The following ITFG2 variants were observed in gnomAD, a reference collection of about 807,000 sequenced individuals.
The protein encoded by ITFG2 is KICSTOR complex protein ITFG2.
A neutral mutation model predicts 54.4 loss-of-function variants in ITFG2; 36 were observed. The ratio of observed to expected loss-of-function variants is 0.66; its 90% CI spans 0.51 to 0.87. The LOEUF (loss-of-function observed/expected upper bound fraction) is 0.87, where lower values mean the gene tolerates loss of function less well. ITFG2 is among the 40% of genes least tolerant of loss of function. The pLI is 0.00. For synonymous variants in ITFG2, 211 were observed against 225.4 expected (o/e 0.94, Z 0.57); for missense variants, 524 against 576.7 (o/e 0.91, Z 0.94).
intron 2 of ITFG2, chr12:2,830,193 T>C (rs1376099286): frequency 6.6e-6 from 1 of 152,192 alleles, no homozygotes; most frequent in African/African-American, 2.4e-5. Context: ...GGAGGTAACA[T>C]CTGAGCTGGG....
downstream of ITFG2, among the ~76,000 whole-genome samples, chr12:2,831,198 A>G (rs1458859348): frequency 6.6e-6 from 1 of 151,430 alleles, no homozygotes; most frequent in Non-Finnish European, 1.5e-5. Context: ...TTTTTTTTTA[A>G]CTAGGAGGGT....
At chr12:2,842,644 A>C (rs892439618) in intron 2 of ITFG2, among the ~76,000 whole-genome samples, 13 of 152,194 alleles carry the variant, frequency 8.5e-5, no homozygotes, top group African/African-American at 3.1e-4. Flanking sequence ...AGGCAGGAGA[A>C]TTGCTTGAGC....
rs2097911935 is a variant in ITFG2 at position 2,812,798 on chromosome 12, A to T, written c.38A>T (p.Glu13Val). The change falls in exon 1 of 12, where the codon GAG becomes GTG. Residue 13 changes from glutamate (E) to valine (V), a missense_variant. Physicochemically the swap from Glu to Val is moderately radical, Grantham distance 121 (BLOSUM62 -2). Coordinates refer to ENST00000228799, the MANE Select transcript of ITFG2 (RefSeq NM_018463.4). ...SVSYVQRVAL[E>V]FSGSLFPHAI... ...AGCTACGTGCAGCGCGTGGCGCTGGAGTTCAGCGGGAGCCTCTTCCCGCAC... is the reference window on the plus strand; with the variant it reads ...AGCTACGTGCAGCGCGTGGCGCTGGTGTTCAGCGGGAGCCTCTTCCCGCAC... 6.2e-7 allele frequency: 1 copy of T among 1,612,564 alleles called. No individual in the cohort carries two copies. Among genetic ancestry groups the T allele is most frequent in the African/African-American group, 1.3e-5 (1 of 74,912 alleles).
rs753604909 is a variant in ITFG2, at chr12:2,848,934, CTCCTT to C, written n.300+7940_300+7944del. Reference sequence around the variant, plus strand: ...ACACTCCTTCCTTCCCACTTCTCCTCTCCTTAGGAACTGGAGCCCCTCCCTGTTCT... The same window carrying C: ...ACACTCCTTCCTTCCCACTTCTCCTCAGGAACTGGAGCCCCTCCCTGTTCT... On this transcript the variant is annotated intron_variant and non_coding_transcript_variant, in intron 2 of 3. Coordinates refer to the ITFG2 transcript ENST00000537710. 5.9e-5 allele frequency: 24 copies of C among 407,754 alleles called. 1 individual carries two copies. The highest frequency in any genetic ancestry group is 2.9e-4 in the Admixed American group (7 of 23,888). The allele number at this position is 407,754 out of a possible 1,614,324, so 25.3% of individuals were successfully genotyped here. A position where few individuals can be genotyped will look rare whatever the true frequency, so the allele number is the denominator to read the frequency against.
downstream of ITFG2, chr12:2,828,173 C>T: frequency 8.6e-7 from 1 of 1,165,390 alleles, no homozygotes; most frequent in Non-Finnish European, 1.3e-6. Context: ...GGTCTAAATC[C>T]TTGCCTTCTC....
chr12:2,828,539 T>TA, downstream of ITFG2: 1 of 791,730 alleles, frequency 1.3e-6, no homozygotes. Context: ...GAACTGTCTT[T>TA]AAAACTGGCT....
At chr12:2,835,202 A>AGAGG, upstream of ITFG2, 1 of 933,388 alleles carries the variant, frequency 1.1e-6, no homozygotes, top group African/African-American at 2.5e-5. Context: ...AGAGAGAGAG[A>AGAGG]GAGAAGGAGA....
At chr12:2,834,731 G>A (rs2098019808), upstream of ITFG2, 8 of 1,613,962 alleles carry the variant, frequency 5.0e-6, no homozygotes, top group Non-Finnish European at 6.8e-6. Context: ...GCCTGTTTGA[G>A]CCGGCGCTGC....
chr12:2,816,542 G>A (rs2097922245), intron 1 of ITFG2, among the ~76,000 whole-genome samples: 2 of 151,680 alleles, frequency 1.3e-5, no homozygotes, highest in Non-Finnish European at 2.9e-5. Context: ...TGTTAGCTAG[G>A]ATGGTCTCAA....
intron 4 of ITFG2, 103 bp downstream of exon 4, chr12:2,818,380 A>C (rs1169302303): frequency 6.4e-7 from 1 of 1,551,440 alleles, no homozygotes; most frequent in South Asian, 1.2e-5. Context: ...GTATTCATGT[A>C]TGCATTTGTT....
intron 5 of ITFG2, 69 bp from the exon 6 acceptor site, chr12:2,820,655 C>A: frequency 9.6e-7 from 1 of 1,045,932 alleles, no homozygotes; most frequent in Non-Finnish European, 1.4e-6. Context: ...CCCACCGCCC[C>A]CTGCCGTTCT....
At chr12:2,855,221 C>G (rs1055609468) in intron 2 of ITFG2, 3 of 1,505,764 alleles carry the variant, frequency 2.0e-6, no homozygotes, top group Non-Finnish European at 2.7e-6. Context: ...CGGCACACAT[C>G]GAGCCACGTG....
chr12:2,853,612 TG>T (rs67536003), intron 2 of ITFG2, among the ~76,000 whole-genome samples: 18,801 of 148,450 alleles, frequency 0.13, 1,266 homozygotes, highest in South Asian at 0.29. Flanking sequence ...TTTTTGTTTT[TG>T]TTTTTTTTTC....
intron 1 of ITFG2, among the ~76,000 whole-genome samples, chr12:2,816,030 A>AT (rs2097920527): frequency 1.4e-5 from 2 of 144,894 alleles, no homozygotes; most frequent in East Asian, 2.1e-4. Context: ...ACACCTGGAT[A>AT]ATTTTTTTTT....
chr12:2,835,062 C>T, upstream of ITFG2: 1 of 1,446,928 alleles, frequency 6.9e-7, no homozygotes, highest in Non-Finnish European at 9.1e-7. Context: ...AAACCCAGTC[C>T]TAGAAGAGAG....
chr12:2,820,682 C>A, intron 5 of ITFG2, 42 bp from the exon 6 acceptor site: 2 of 1,349,572 alleles, frequency 1.5e-6, no homozygotes, highest in Non-Finnish European at 2.0e-6. Context: ...GGACCCACTT[C>A]CTTCTCTCTC....
chr12:2,827,168 G>A, downstream of ITFG2: 1 of 1,613,632 alleles, frequency 6.2e-7, no homozygotes, highest in South Asian at 1.1e-5. This position sits in a 1 kb window ranked among gnomAD's most constrained non-coding sequence, Gnocchi z 4.0. Flanking sequence ...CTTCTTCTAA[G>A]GCAAGGTCTT....
chr12:2,855,289 AC>A, intron 2 of ITFG2: 1 of 1,523,162 alleles, frequency 6.6e-7, no homozygotes, highest in Non-Finnish European at 8.8e-7. Context: ...CCGCTGACGC[AC>A]CTTGGACTTC....
chr12:2,848,712 A>G (rs2098060030), intron 2 of ITFG2, among the ~76,000 whole-genome samples: 1 of 152,154 alleles, frequency 6.6e-6, no homozygotes, highest in Non-Finnish European at 1.5e-5. Context: ...CCAGACATCA[A>G]ATGGTCCAGG....
Sources: gnomAD v4.1 joint callset for allele counts (sites outside exome capture counted in the v4.1 genomes callset) on GRCh38, gnomAD v4.1.1 for gene constraint, Gnocchi (gnomAD v3.1) non-coding constraint, MANE v1.5 for transcripts, NCBI Gene and HGNC (gene_info 2026-07-23, HGNC 2026-07-21) for gene names.